CDIN1: variants seen among roughly 807,000 people sequenced by gnomAD.
CDIN1 encodes CDAN1 interacting nuclease 1.
CDIN1 carries 33 observed loss-of-function variants against 45.3 expected under a neutral mutation model. That is an observed-to-expected ratio of 0.73 (90% CI 0.55 to 0.97). CDIN1 has a LOEUF of 0.97. Ranked by LOEUF, CDIN1 falls within the 50% of genes least tolerant of loss-of-function variation. CDIN1 has a pLI of 0.00. For synonymous variants in CDIN1, 118 were observed against 124.4 expected (o/e 0.95, Z 0.34); for missense variants, 303 against 339.4 (o/e 0.89, Z 0.84).
At chr15:36,711,617 A>T (rs1417086821) in intron 10 of CDIN1, among the ~76,000 whole-genome samples, 1 of 152,196 alleles carries the variant, frequency 6.6e-6, no homozygotes, top group Non-Finnish European at 1.5e-5. Context: ...TGTTTTACTT[A>T]GACTACTATT....
intron 1 of CDIN1, among the ~76,000 whole-genome samples, chr15:36,633,299 G>A (rs2039756752): frequency 6.6e-6 from 1 of 152,020 alleles, no homozygotes; most frequent in Non-Finnish European, 1.5e-5. Flanking sequence ...ATGAACTGTT[G>A]TAGGTATGAT....
At chr15:36,639,646 A>G (rs1382716103) in intron 1 of CDIN1, among the ~76,000 whole-genome samples, 1 of 152,128 alleles carries the variant, frequency 6.6e-6, no homozygotes. Context: ...TTTACACAGC[A>G]TTTACACTGT....
chr15:36,663,822 A>G (rs2041122944), intron 5 of CDIN1, among the ~76,000 whole-genome samples: 1 of 152,240 alleles, frequency 6.6e-6, no homozygotes, highest in South Asian at 2.1e-4. Flanking sequence ...TTAGTTATAA[A>G]TAACTTGCAG....
At chr15:36,690,804 C>T (rs1300640808) in intron 5 of CDIN1, among the ~76,000 whole-genome samples, 1 of 152,104 alleles carries the variant, frequency 6.6e-6, no homozygotes, top group Non-Finnish European at 1.5e-5. Flanking sequence ...CTAGGCAACA[C>T]GTGACTTAGC....
intron 10 of CDIN1, among the ~76,000 whole-genome samples, chr15:36,801,255 A>C (rs778117773): frequency 1.8e-4 from 28 of 151,960 alleles, no homozygotes; most frequent in Non-Finnish European, 3.7e-4. Context: ...AGTTTCCGTG[A>C]TTACAGGTAG....
At chr15:36,664,697 C>G (rs1216247124) in intron 5 of CDIN1, among the ~76,000 whole-genome samples, 1 of 152,164 alleles carries the variant, frequency 6.6e-6, no homozygotes, top group African/African-American at 2.4e-5. Context: ...CAGGCGCCCA[C>G]CACCACGCTT....
chr15:36,764,214 GTTTT>G (rs11297312), intron 10 of CDIN1, among the ~76,000 whole-genome samples: 4 of 116,292 alleles, frequency 3.4e-5, no homozygotes, highest in Admixed American at 9.0e-5. Flanking sequence ...TGTGGTTTTG[GTTTT>G]TTTTTTTTTT....
chr15:36,616,055 A>G lies in CDIN1; in HGVS notation c.102-28223A>G, dbSNP rs535047509. 2.6e-5 allele frequency among the ~76,000 whole-genome samples: 4 copies of G among 152,346 alleles called. No individual in the cohort carries two copies. The South Asian group carries it at 8.3e-4, about 32-fold the overall frequency. ...AAAATGGATGTGTGTACAGAAAAAC[A>G]TAAGCGGCATGATGTAGCCTCTTCC... is the stretch of plus-strand genomic sequence containing the variant. On this transcript the variant is annotated intron_variant, in intron 1 of 10. Transcript: ENST00000566621.
At chr15:36,712,789 C>G (rs1471629842) in intron 10 of CDIN1, among the ~76,000 whole-genome samples, 7 of 152,074 alleles carry the variant, frequency 4.6e-5, no homozygotes, top group Non-Finnish European at 1.0e-4. Context: ...ACATCTCCAT[C>G]CCAAGACCCA....
At chr15:36,731,237 A>C (rs993611121) in intron 10 of CDIN1, among the ~76,000 whole-genome samples, 1 of 152,094 alleles carries the variant, frequency 6.6e-6, no homozygotes, top group African/African-American at 2.4e-5. Flanking sequence ...CTCATTTATC[A>C]CTCATATATA....
intron 1 of CDIN1, among the ~76,000 whole-genome samples, chr15:36,606,448 C>A (rs917962735): frequency 6.6e-6 from 1 of 152,070 alleles, no homozygotes; most frequent in Non-Finnish European, 1.5e-5. Context: ...AAAGAATGAA[C>A]GAATGCTAGA....
At position 36,723,887 on chromosome 15, in the gene CDIN1, C is replaced by T. The variant is rs546895836; in HGVS notation, c.716+13926C>T. On this transcript the variant is annotated intron_variant, in intron 10 of 10. Coordinates refer to ENST00000566621, the MANE Select transcript of CDIN1 (RefSeq NM_001321759.2). ...CAAAGGTGAGCAAAACTTAATCTTGCCTTCAGTGAATTTAATTCAAACTAA... is the reference window on the plus strand; with the variant it reads ...CAAAGGTGAGCAAAACTTAATCTTGTCTTCAGTGAATTTAATTCAAACTAA... Among the ~76,000 whole-genome samples the T allele has an allele frequency of 5.9e-5, 9 of 152,288 alleles. No homozygotes were observed. In the East Asian group the frequency reaches 1.7e-3, roughly 29 times the overall value.
chr15:36,749,550 T>C (rs1199663026), intron 10 of CDIN1, among the ~76,000 whole-genome samples: 2 of 152,222 alleles, frequency 1.3e-5, no homozygotes, highest in Non-Finnish European at 1.5e-5. Context: ...TGCTGTCTTA[T>C]GAAGTCTGTG....
intron 1 of CDIN1, among the ~76,000 whole-genome samples, chr15:36,625,667 A>G (rs1054287023): frequency 1.3e-5 from 2 of 152,236 alleles, no homozygotes; most frequent in African/African-American, 4.8e-5. Flanking sequence ...TTTTCAAGAA[A>G]GAGACTCAGA....
chr15:36,800,871 GTGTATATA>G (rs2054995148), intron 10 of CDIN1, among the ~76,000 whole-genome samples: 2 of 51,800 alleles, frequency 3.9e-5, no homozygotes, highest in Admixed American at 3.0e-4. Flanking sequence ...GTGTGTGTGT[GTGTATATA>G]TGTGTGTGTG....
chr15:36,719,550 AT>A (rs1171715174), intron 10 of CDIN1, among the ~76,000 whole-genome samples: 1 of 152,132 alleles, frequency 6.6e-6, no homozygotes, highest in African/African-American at 2.4e-5. Context: ...TTTTGCATCT[AT>A]GTTTATGAGT....
intron 10 of CDIN1, among the ~76,000 whole-genome samples, chr15:36,740,852 G>A (rs2044210326): frequency 6.6e-6 from 1 of 150,568 alleles, no homozygotes; most frequent in Admixed American, 6.6e-5. Flanking sequence ...TCGCACCATT[G>A]CTCTCCAGCC....
chr15:36,628,879 A>T (rs190030478), intron 1 of CDIN1, among the ~76,000 whole-genome samples: 308 of 152,326 alleles, frequency 2.0e-3, no homozygotes, highest in African/African-American at 6.3e-3. Flanking sequence ...GATGGGCCCT[A>T]AATGGAATTA....
intron 5 of CDIN1, among the ~76,000 whole-genome samples, chr15:36,662,556 G>A (rs903974927): frequency 1.3e-5 from 2 of 151,614 alleles, no homozygotes; most frequent in Admixed American, 1.3e-4. Flanking sequence ...ATAGAAGAAA[G>A]TATGAGAAGG....
Sources: allele counts gnomAD v4.1 joint callset (sites outside exome capture counted in the v4.1 genomes callset), GRCh38; gene constraint gnomAD v4.1.1; transcripts MANE v1.5; gene names NCBI Gene and HGNC (gene_info 2026-07-23, HGNC 2026-07-21).